The following PRXL2C variants were observed in gnomAD, a reference collection of about 807,000 sequenced individuals.
PRXL2C encodes the protein peroxiredoxin like 2C.
In PRXL2C, 38 loss-of-function variants were observed where a neutral mutation model predicts 24.9. That is an observed-to-expected ratio of 1.53 (90% CI 1.18 to 2.00). The LOEUF is 2.00. PRXL2C is among the 30% of genes most tolerant of loss of function. The pLI, the probability that PRXL2C is intolerant of heterozygous loss-of-function variation, is 0.00. For missense variants in PRXL2C, 294 were observed against 290.9 expected (o/e 1.01, Z -0.08); for synonymous variants, 98 against 117.2 (o/e 0.84, Z 1.06).
At position 96,641,818 on chromosome 9, in the gene PRXL2C, G is replaced by A; in HGVS notation, c.622C>T (p.Gln208Ter). ...LDHKPINSVL[Q>*]LVGVQHVNFT... The stretch of plus-strand genomic sequence containing the variant: ...TTCACATGCTGAACTCCTACAAGCT[G>A]TAAAACAGAGTTGATAGGTTTGTGA... The change falls in exon 6 of 6, where the codon CAG becomes TAG. Residue 208 changes from glutamine to a stop codon, truncating the protein, a stop_gained. Coordinates refer to ENST00000375234, the MANE Select transcript of PRXL2C (RefSeq NM_153698.2). LOFTEE classifies it high-confidence loss of function. 6.3e-7 allele frequency: 1 copy of A among 1,576,376 alleles called. No individual in the cohort carries two copies. The highest frequency in any genetic ancestry group is 8.7e-7 in the Non-Finnish European group (1 of 1,152,668).
chr9:96,654,674 G>C (rs768762530), intron 2 of PRXL2C, 31 bp downstream of exon 2: 1 of 1,549,074 alleles, frequency 6.5e-7, no homozygotes, highest in East Asian at 2.4e-5. Context: ...TGCAGAAGCG[G>C]GCACTGGGCC....
chr9:96,642,440 T>C (rs544669786), intron 5 of PRXL2C, among the ~76,000 whole-genome samples: 37 of 152,344 alleles, frequency 2.4e-4, no homozygotes, highest in African/African-American at 7.5e-4. Flanking sequence ...ATACAGATTT[T>C]ATAATTTATA....
intron 5 of PRXL2C, among the ~76,000 whole-genome samples, chr9:96,644,881 C>CTTTTTTTTTTTTTTTTTT (rs530343244): frequency 2.7e-5 from 1 of 36,670 alleles, no homozygotes; most frequent in Non-Finnish European, 6.5e-5. Flanking sequence ...TACATGGATT[C>CTTTTTTTTTTTTTTTTTT]TTTTTTTTTT....
At chr9:96,645,056 G>C (rs995073099) in intron 5 of PRXL2C, among the ~76,000 whole-genome samples, 3 of 150,742 alleles carry the variant, frequency 2.0e-5, no homozygotes, top group Non-Finnish European at 4.4e-5. Flanking sequence ...ACAGGCACCC[G>C]CCACCACGTC....
intron 5 of PRXL2C, among the ~76,000 whole-genome samples, chr9:96,642,600 C>T (rs981048866): frequency 4.1e-5 from 6 of 147,036 alleles, no homozygotes; most frequent in African/African-American, 1.5e-4. Flanking sequence ...GGCTGGAGTG[C>T]AGTGGCATGA....
At chr9:96,645,540 G>A (rs1252089876) in intron 5 of PRXL2C, among the ~76,000 whole-genome samples, 2 of 151,878 alleles carry the variant, frequency 1.3e-5, no homozygotes, top group African/African-American at 4.8e-5. Context: ...GCTCATGCCT[G>A]TAATCCCAAC....
At position 96,641,613 on chromosome 9, in the gene PRXL2C, A is replaced by G. The variant is rs934402985; in HGVS notation, c.*146T>C. On this transcript the variant is annotated 3_prime_UTR_variant, in exon 6 of 6. Transcript: ENST00000375234. ...CTGATGCTTCCCAGCATGCAATTCAACAGGTTCAAGCCCCCTTTATGCTTC... is the reference window on the plus strand; with the variant it reads ...CTGATGCTTCCCAGCATGCAATTCAGCAGGTTCAAGCCCCCTTTATGCTTC... 4.5e-6 allele frequency: 3 copies of G among 666,570 alleles called. No homozygotes were observed. Among genetic ancestry groups the G allele is most frequent in the African/African-American group, 3.7e-5 (2 of 53,508 alleles). The allele number at this position is 666,570 out of a possible 1,614,324, so 41.3% of individuals were successfully genotyped here. A position where few individuals can be genotyped will look rare whatever the true frequency, so the allele number is the denominator to read the frequency against.
In PRXL2C at chr9:96,641,731, A is replaced by T; in HGVS notation, c.*28T>A. ...TTGAAGGTCACATTCCAGAAGGTCC[A>T]GTTGAAAGTGACTGAGTGCATTTTA... is the stretch of plus-strand genomic sequence containing the variant. On this transcript the variant is annotated 3_prime_UTR_variant, in exon 6 of 6. Coordinates refer to ENST00000375234, the MANE Select transcript of PRXL2C (RefSeq NM_153698.2). 1 of 1,541,622 alleles carries T rather than the reference A, an allele frequency of 6.5e-7. No homozygotes were observed. Among genetic ancestry groups the T allele is most frequent in the Non-Finnish European group, 8.9e-7 (1 of 1,129,890 alleles).
rs568719971 is a variant in PRXL2C, at chr9:96,646,605, T to C, written c.422-581A>G. On this transcript the variant is annotated intron_variant, in intron 4 of 5. Coordinates refer to ENST00000375234, the MANE Select transcript of PRXL2C (RefSeq NM_153698.2). ...AGTTAGGCAAGGCATGTGACTATGTTATAAACAATGAATGAAATGATCTGT... is the reference window on the plus strand; with the variant it reads ...AGTTAGGCAAGGCATGTGACTATGTCATAAACAATGAATGAAATGATCTGT... 3.4e-3 allele frequency among the ~76,000 whole-genome samples: 512 copies of C among 152,288 alleles called. 1 individual carries two copies. Among genetic ancestry groups the C allele is most frequent in the Non-Finnish European group, 5.5e-3 (373 of 68,026 alleles).
At chr9:96,647,518 T>C (rs1401134634) in intron 4 of PRXL2C, among the ~76,000 whole-genome samples, 1 of 152,196 alleles carries the variant, frequency 6.6e-6, no homozygotes, top group Non-Finnish European at 1.5e-5. Context: ...GAGTAAAAGA[T>C]TAAGTTTTAC....
chr9:96,651,554 C>A, intron 3 of PRXL2C, 59 bp from the exon 4 acceptor site: 1 of 1,560,098 alleles, frequency 6.4e-7, no homozygotes, highest in Non-Finnish European at 8.8e-7. Flanking sequence ...AGTAATGATA[C>A]TCTAACTTCA....
chr9:96,655,115 C>A lies in PRXL2C; in HGVS notation c.167G>T (p.Arg56Leu). 1 of 1,426,766 alleles carries A rather than the reference C, an allele frequency of 7.0e-7. No homozygotes were observed. Among genetic ancestry groups the A allele is most frequent in the Non-Finnish European group, 9.1e-7 (1 of 1,094,028 alleles). The allele number at this position is 1,426,766 out of a possible 1,614,324, so 88.4% of individuals were successfully genotyped here. A position where few individuals can be genotyped will look rare whatever the true frequency, so the allele number is the denominator to read the frequency against. Reference sequence around the variant, plus strand: ...CCGCACGAACACCACCACGGCGCGGCGCTCCCGGAACAGCGCGCCGAACGG... The same window carrying A: ...CCGCACGAACACCACCACGGCGCGGAGCTCCCGGAACAGCGCGCCGAACGG... ...RVPFGALFRE[R>L]RAVVVFVRHF... Residue 56 changes from arginine to leucine, a missense_variant, in exon 1 of 6, where the codon CGC becomes CTC. Coordinates refer to ENST00000375234, the MANE Select transcript of PRXL2C (RefSeq NM_153698.2).
At chr9:96,645,629 C>T (rs747749817) in intron 5 of PRXL2C, among the ~76,000 whole-genome samples, 1 of 151,764 alleles carries the variant, frequency 6.6e-6, no homozygotes, top group Non-Finnish European at 1.5e-5. Flanking sequence ...AACCCCGTCT[C>T]TACTAAAAAT....
intron 2 of PRXL2C, among the ~76,000 whole-genome samples, chr9:96,654,075 C>T (rs1174181954): frequency 6.6e-6 from 1 of 152,142 alleles, no homozygotes; most frequent in African/African-American, 2.4e-5. Context: ...CTCCTGACCT[C>T]GTGATCCGCC....
intron 5 of PRXL2C, among the ~76,000 whole-genome samples, chr9:96,644,847 C>A: frequency 7.3e-6 from 1 of 137,062 alleles, no homozygotes; most frequent in Admixed American, 7.8e-5. Context: ...AGTAAGTCTC[C>A]TAGTTTTGTT....
rs149149796 is a variant in PRXL2C, at chr9:96,643,636, A to C, written c.554-1750T>G. Among the ~76,000 whole-genome samples, 407 of 152,326 alleles carry C rather than the reference A, an allele frequency of 2.7e-3. 4 individuals are homozygous for C. Among genetic ancestry groups the C allele is most frequent in the African/African-American group, 8.7e-3 (363 of 41,584 alleles). Reference sequence around the variant, plus strand: ...GACTCAAAAACATCCCCTTTTGGGTATGAGGATGGAAATAAGTTGTTCAGA... The same window carrying C: ...GACTCAAAAACATCCCCTTTTGGGTCTGAGGATGGAAATAAGTTGTTCAGA... On this transcript the variant is annotated intron_variant, in intron 5 of 5. Coordinates refer to ENST00000375234, the MANE Select transcript of PRXL2C (RefSeq NM_153698.2).
intron 1 of PRXL2C, 135 bp from the exon 2 acceptor site, chr9:96,654,908 G>C: frequency 1.7e-6 from 2 of 1,201,124 alleles, no homozygotes; most frequent in South Asian, 1.7e-5. Flanking sequence ...TCGGGCGCCC[G>C]GCGCGTGGGA....
intron 5 of PRXL2C, among the ~76,000 whole-genome samples, chr9:96,644,979 G>A (rs542652645): frequency 8.1e-6 from 1 of 123,214 alleles, no homozygotes; most frequent in African/African-American, 3.1e-5. Context: ...CGATCTCGGC[G>A]CACTGCAAGC....
In PRXL2C at chr9:96,655,073, C is replaced by T; in HGVS notation, c.192+17G>A. 1 of 1,457,286 alleles carries T rather than the reference C, an allele frequency of 6.9e-7. No homozygotes were observed. The allele number at this position is 1,457,286 out of a possible 1,614,324, so 90.3% of individuals were successfully genotyped here. ...ACCCTGGGCCGCGCTTCCCTTCCAG[C>T]CCCGCCGCCCGCTCACCCGCACGAA... On this transcript the variant is annotated intron_variant, in intron 1 of 5. Transcript: ENST00000375234.
Sources: allele counts gnomAD v4.1 joint callset (sites outside exome capture counted in the v4.1 genomes callset), GRCh38; gene constraint gnomAD v4.1.1; transcripts MANE v1.5; gene names NCBI Gene and HGNC (gene_info 2026-07-23, HGNC 2026-07-21).